ENTREP2: variants seen among roughly 807,000 people sequenced by gnomAD.
ENTREP2 encodes the protein endosomal transmembrane epsin interactor 2.
the ENTREP2 span, among the ~76,000 whole-genome samples, chr15:29,184,286 C>T: frequency 6.6e-6 from 1 of 152,200 alleles, no homozygotes; most frequent in African/African-American, 2.4e-5. Context: ...CACCCAGCCA[C>T]TGACAACTTT....
the ENTREP2 span, among the ~76,000 whole-genome samples, chr15:29,416,175 G>A: frequency 1.3e-5 from 2 of 152,124 alleles, no homozygotes; most frequent in African/African-American, 2.4e-5. Context: ...CCAAAAAAGA[G>A]CCTGCATTGC....
At chr15:29,487,470 C>T in the ENTREP2 span, among the ~76,000 whole-genome samples, 1 of 152,328 alleles carries the variant, frequency 6.6e-6, no homozygotes. Context: ...TCTCTCCAAC[C>T]CCCTCGCTCT....
the ENTREP2 span, among the ~76,000 whole-genome samples, chr15:29,418,862 C>T: frequency 2.0e-5 from 3 of 152,216 alleles, no homozygotes; most frequent in African/African-American, 7.2e-5. Context: ...CTGGGGGAAA[C>T]CCCAGCAGGG....
At chr15:29,207,143 T>A in the ENTREP2 span, among the ~76,000 whole-genome samples, 14 of 152,138 alleles carry the variant, frequency 9.2e-5, no homozygotes, top group African/African-American at 3.4e-4. Flanking sequence ...CACCTTTTTG[T>A]TCCTGGAGAG....
chr15:29,420,791 A>G, the ENTREP2 span, among the ~76,000 whole-genome samples: 5 of 152,178 alleles, frequency 3.3e-5, no homozygotes, highest in Admixed American at 3.3e-4. Flanking sequence ...AGAATTCTGA[A>G]GGACTGTTCC....
At chr15:29,397,799 A>G in the ENTREP2 span, among the ~76,000 whole-genome samples, 1 of 152,194 alleles carries the variant, frequency 6.6e-6, no homozygotes, top group South Asian at 2.1e-4. Flanking sequence ...TTTTCTGAGC[A>G]CAGAGGGAAA....
At chr15:29,363,425 CTT>C in the ENTREP2 span, among the ~76,000 whole-genome samples, 1 of 152,234 alleles carries the variant, frequency 6.6e-6, no homozygotes. Flanking sequence ...AAACAGATGA[CTT>C]TGTAGTGTGA....
At chr15:29,563,235 ATTTATGCTAT>A in the ENTREP2 span, among the ~76,000 whole-genome samples, 1 of 152,162 alleles carries the variant, frequency 6.6e-6, no homozygotes, top group African/African-American at 2.4e-5. Context: ...AGTTCTAAAT[ATTTATGCTAT>A]TCTATTGCTT....
chr15:29,562,920 A>C, the ENTREP2 span, among the ~76,000 whole-genome samples: 1 of 152,230 alleles, frequency 6.6e-6, no homozygotes, highest in South Asian at 2.1e-4. Context: ...CCTCCCAAGT[A>C]GGTGGAACTA....
the ENTREP2 span, among the ~76,000 whole-genome samples, chr15:29,668,756 C>T: frequency 6.6e-6 from 1 of 152,216 alleles, no homozygotes; most frequent in African/African-American, 2.4e-5. Context: ...ATTCCCTTAT[C>T]TGTCTAAAGT....
chr15:29,607,837 C>CAGATAGAT, the ENTREP2 span, among the ~76,000 whole-genome samples: 27 of 131,348 alleles, frequency 2.1e-4, no homozygotes, highest in Admixed American at 5.9e-4. Context: ...GACAGACAGA[C>CAGATAGAT]AGACAGATAG....
At chr15:29,456,924 TA>T in the ENTREP2 span, among the ~76,000 whole-genome samples, 2,242 of 152,298 alleles carry the variant, frequency 0.015, 65 homozygotes, top group African/African-American at 0.052. Flanking sequence ...GATGAAGGCA[TA>T]GGGGCCAATC....
At chr15:29,269,970 C>T in the ENTREP2 span, 78 of 423,058 alleles carry the variant, frequency 1.8e-4, no homozygotes, top group East Asian at 2.7e-3. Flanking sequence ...GTGTTGTTAC[C>T]AAACCATGCA....
the ENTREP2 span, among the ~76,000 whole-genome samples, chr15:29,580,181 G>T: frequency 6.6e-6 from 1 of 152,010 alleles, no homozygotes; most frequent in South Asian, 2.1e-4. Flanking sequence ...GACAGTAATG[G>T]GTCACTCCTG....
the ENTREP2 span, among the ~76,000 whole-genome samples, chr15:29,575,944 A>G: frequency 1.3e-5 from 2 of 152,226 alleles, no homozygotes; most frequent in African/African-American, 4.8e-5. Context: ...AATCCCTATC[A>G]AAACTCCAAC....
the ENTREP2 span, chr15:29,269,086 AC>A: frequency 6.8e-6 from 11 of 1,613,508 alleles, no homozygotes; most frequent in Non-Finnish European, 9.3e-6. Context: ...GGTGGGGTAG[AC>A]CCCTAAGCGC....
the ENTREP2 span, among the ~76,000 whole-genome samples, chr15:29,251,744 C>CTTT: frequency 2.5e-3 from 245 of 97,822 alleles, 16 homozygotes; most frequent in South Asian, 0.012. Context: ...TTTTTTGTGA[C>CTTT]TTTTTTTTTT....
the ENTREP2 span, among the ~76,000 whole-genome samples, chr15:29,673,374 C>G: frequency 2.6e-5 from 4 of 152,158 alleles, no homozygotes; most frequent in Non-Finnish European, 4.4e-5. Context: ...AGCCTTATTT[C>G]ACCCAGCCCC....
chr15:29,145,512 A>G, the ENTREP2 span, among the ~76,000 whole-genome samples: 1 of 148,274 alleles, frequency 6.7e-6, no homozygotes, highest in Non-Finnish European at 1.5e-5. Context: ...AGTCCCAACT[A>G]TTCAGGAGGC....
Sources: allele counts gnomAD v4.1 joint callset (sites outside exome capture counted in the v4.1 genomes callset), GRCh38; gene constraint gnomAD v4.1.1; transcripts MANE v1.5; gene names NCBI Gene and HGNC (gene_info 2026-07-23, HGNC 2026-07-21).